EN2: variants seen among roughly 807,000 people sequenced by gnomAD.
The protein encoded by EN2 is engrailed homeobox 2.
Under a neutral mutation model 25.0 loss-of-function variants are expected in EN2, and 7 were observed. That is an observed-to-expected ratio of 0.28 (90% CI 0.16 to 0.53). The LOEUF is 0.53. EN2 is among the 20% of genes least tolerant of loss of function. The pLI is 0.96. For synonymous variants in EN2, 277 were observed against 243.3 expected, an observed-to-expected ratio of 1.14 and a Z score of -1.29; for missense variants, 524 against 501.8, an observed-to-expected ratio of 1.04 and a Z score of -0.42.
chr7:155,458,727 G>A lies in EN2; in HGVS notation c.350G>A (p.Gly117Asp), dbSNP rs1340709004. The A allele has an allele frequency of 7.5e-7, 1 of 1,339,760 alleles. No individual in the cohort carries two copies. The allele number at this position is 1,339,760 out of a possible 1,614,324, so 83.0% of individuals were successfully genotyped here. A position where few individuals can be genotyped will look rare whatever the true frequency, so the allele number is the denominator to read the frequency against. ...GCGGAGGGAGGCGGCGGCGCGGGCG[G>A]CTCGGAGCAGCTCTTGGGCTCGGGC... Reference protein sequence around the residue: ...SGAEGGGGAGGSEQLLGSGSR... With the variant: ...SGAEGGGGAGDSEQLLGSGSR... Residue 117 changes from glycine to aspartate, a missense_variant, in exon 1 of 2, where the codon GGC becomes GAC. By Grantham distance (94) the Gly-to-Asp change is moderately conservative. Transcript: ENST00000297375.
Position 155,458,293 on chromosome 7 carries a change from G to A in EN2, c.-85G>A. ...AGACTCGGCGGGGTGGGGGCGCGGG[G>A]GTCTCCGTGTGCGCCGCGGGAGGGC... On this transcript the variant is annotated 5_prime_UTR_variant, in exon 1 of 2. Coordinates refer to ENST00000297375, the MANE Select transcript of EN2 (RefSeq NM_001427.4). 2 of 1,245,228 alleles carry A rather than the reference G, an allele frequency of 1.6e-6. No homozygotes were observed. Among genetic ancestry groups the A allele is most frequent in the Admixed American group, 8.3e-5 (2 of 24,114 alleles). The allele number at this position is 1,245,228 out of a possible 1,614,324, so 77.1% of individuals were successfully genotyped here. A position where few individuals can be genotyped will look rare whatever the true frequency, so the allele number is the denominator to read the frequency against.
At chr7:155,460,951 T>C (rs908351816) in intron 1 of EN2, among the ~76,000 whole-genome samples, 1 of 152,112 alleles carries the variant, frequency 6.6e-6, no homozygotes, top group African/African-American at 2.4e-5. Flanking sequence ...AGATCCTCTT[T>C]CTCCAGGCCT....
chr7:155,460,430 GGA>G (rs1264915940), intron 1 of EN2, among the ~76,000 whole-genome samples: 1 of 152,184 alleles, frequency 6.6e-6, no homozygotes, highest in South Asian at 2.1e-4. Flanking sequence ...GAAAGAAAGG[GGA>G]GAGAGAGTTT....
At chr7:155,459,096 C>T (rs779191430) in intron 1 of EN2, 34 bp downstream of exon 1, 3 of 1,530,880 alleles carry the variant, frequency 2.0e-6, no homozygotes, top group African/African-American at 1.4e-5. Flanking sequence ...CCCGGCTCGC[C>T]GCGGGGAGGC....
chr7:155,462,833 T>TG lies in EN2; in HGVS notation c.*146_*147insG. The TG allele has an allele frequency of 4.0e-6, 4 of 1,011,662 alleles. No individual in the cohort carries two copies. Among genetic ancestry groups the TG allele is most frequent in the Non-Finnish European group, 4.1e-6 (3 of 737,816 alleles). The allele number at this position is 1,011,662 out of a possible 1,614,324, so 62.7% of individuals were successfully genotyped here. On this transcript the variant is annotated 3_prime_UTR_variant, in exon 2 of 2. Coordinates refer to ENST00000297375, the MANE Select transcript of EN2 (RefSeq NM_001427.4). Reference sequence around the variant, plus strand: ...AAGGTTCTGAAATATTCTATGTATATATCATTTACAGGTGGTATAAAATCC... The same window carrying TG: ...AAGGTTCTGAAATATTCTATGTATATGATCATTTACAGGTGGTATAAAATCC...
chr7:155,461,276 G>A (rs537446158), intron 1 of EN2, among the ~76,000 whole-genome samples: 70 of 152,236 alleles, frequency 4.6e-4, no homozygotes, highest in Non-Finnish European at 7.2e-4. Context: ...AAACCCAGAG[G>A]CGAGGTCACC....
chr7:155,458,667 G>A lies in EN2; in HGVS notation c.290G>A (p.Gly97Asp), dbSNP rs1795657161. ...TGTGCGGGCGCGGGAGGAGGAAGGG[G>A]CGGCGGAGCCGGCGGCGAAGGCGGC... ...TCCAGAGGGR[G>D]GGAGGEGGAS... Residue 97 changes from glycine (G) to aspartate (D), a missense_variant, in exon 1 of 2, where the codon GGC becomes GAC. Physicochemically the swap from Gly to Asp is moderately conservative, Grantham distance 94. Transcript: ENST00000297375. 2.9e-6 allele frequency: 4 copies of A among 1,371,012 alleles called. No homozygotes were observed. Among genetic ancestry groups the A allele is most frequent in the Non-Finnish European group, 3.8e-6 (4 of 1,065,562 alleles). The allele number at this position is 1,371,012 out of a possible 1,614,324, so 84.9% of individuals were successfully genotyped here.
chr7:155,462,635 G>A lies in EN2; in HGVS notation c.950G>A (p.Gly317Asp). Residue 317 changes from glycine to aspartate, a missense_variant, in exon 2 of 2, where the codon GGC (glycine) becomes GAC (aspartate). Gly to Asp is a moderately conservative substitution (Grantham distance 94, BLOSUM62 -1). Transcript: ENST00000297375. ...CTGGCCGTGCACCTCATGGCACAGG[G>A]CTTGTACAACCACTCCACCACAGCC... ...NTLAVHLMAQ[G>D]LYNHSTTAKE... is the part of the protein sequence containing the mutation. The A allele has an allele frequency of 1.2e-6, 2 of 1,610,850 alleles. No individual in the cohort carries two copies. Among genetic ancestry groups the A allele is most frequent in the South Asian group, 1.1e-5 (1 of 90,744 alleles).
In EN2 at chr7:155,458,885, G is replaced by T; in HGVS notation, c.508G>T (p.Gly170Cys). ...TLSLHGGAKK[G>C]GDPGGPLDGS... ...CTCGCTGCACGGTGGCGCCAAGAAAGGCGGCGACCCCGGCGGCCCCCTGGA... is the reference window on the plus strand; with the variant it reads ...CTCGCTGCACGGTGGCGCCAAGAAATGCGGCGACCCCGGCGGCCCCCTGGA... Residue 170 changes from glycine to cysteine, a missense_variant, in exon 1 of 2, where the codon GGC (glycine) becomes TGC (cysteine). Physicochemically the swap from Gly to Cys is radical, Grantham distance 159. Coordinates refer to ENST00000297375, the MANE Select transcript of EN2 (RefSeq NM_001427.4). The T allele has an allele frequency of 6.7e-7, 1 of 1,496,130 alleles. No homozygotes were observed. The allele number at this position is 1,496,130 out of a possible 1,614,324, so 92.7% of individuals were successfully genotyped here. A position where few individuals can be genotyped will look rare whatever the true frequency, so the allele number is the denominator to read the frequency against.
intron 1 of EN2, 56 bp from the exon 2 acceptor site, chr7:155,462,315 T>C (rs117472001): frequency 0.018 from 27,712 of 1,536,368 alleles, 289 homozygotes; most frequent in Non-Finnish European, 0.02. Context: ...CCGGTGCCTA[T>C]TGGGTGGCAC....
chr7:155,458,319 C>G lies in EN2; in HGVS notation c.-59C>G, dbSNP rs1266719649. On this transcript the variant is annotated 5_prime_UTR_variant, in exon 1 of 2. Coordinates refer to ENST00000297375, the MANE Select transcript of EN2 (RefSeq NM_001427.4). ...GTCTCCGTGTGCGCCGCGGGAGGGC[C>G]GAAGGCTGATTTGGAAGGGCGTCCC... 3.2e-6 allele frequency: 4 copies of G among 1,265,882 alleles called. No individual in the cohort carries two copies. The highest frequency in any genetic ancestry group is 7.7e-5 in the South Asian group (2 of 25,994). 78.4% of individuals were successfully genotyped at this position (1,265,882 alleles called of 1,614,324 possible).
rs974988372 is a variant in EN2 at position 155,459,414 on chromosome 7, GT to G, written c.685+360del. On this transcript the variant is annotated intron_variant, in intron 1 of 1. Transcript: ENST00000297375. Reference sequence around the variant, plus strand: ...CCTAGCCCATGTCTCCCCCACTGTAGTTTTTTTTGGTGGGAACGTGGTGGCT... The same window carrying G: ...CCTAGCCCATGTCTCCCCCACTGTAGTTTTTTTGGTGGGAACGTGGTGGCT... 1.6e-4 allele frequency among the ~76,000 whole-genome samples: 24 copies of G among 152,106 alleles called. No individual in the cohort carries two copies. In the South Asian group the frequency reaches 3.1e-3, roughly 20 times the overall value.
chr7:155,459,441 G>A (rs1404787783), intron 1 of EN2, among the ~76,000 whole-genome samples: 1 of 152,200 alleles, frequency 6.6e-6, no homozygotes, highest in Non-Finnish European at 1.5e-5. Context: ...CGTGGTGGCT[G>A]GAAGATGGGC....
rs973342785 is a variant in EN2, at chr7:155,458,197, C to T, written c.-181C>T. The T allele has an allele frequency of 3.9e-6, 3 of 760,986 alleles. No individual in the cohort carries two copies. The highest frequency in any genetic ancestry group is 5.4e-6 in the Non-Finnish European group (3 of 550,540). The allele number at this position is 760,986 out of a possible 1,614,324, so 47.1% of individuals were successfully genotyped here. On this transcript the variant is annotated 5_prime_UTR_variant, in exon 1 of 2. Transcript: ENST00000297375. ...ACCCAGTTCGTGGATTCAAAGGTGG[C>T]TCCGCGCCGAGCGCGGCCGGCGACT... is the stretch of plus-strand genomic sequence containing the variant.
In EN2 at chr7:155,460,120, G is replaced by T. The variant is rs186151633; in HGVS notation, c.685+1058G>T. Among the ~76,000 whole-genome samples, 11 of 152,356 alleles carry T rather than the reference G, an allele frequency of 7.2e-5. 1 individual carries two copies. Among genetic ancestry groups the T allele is most frequent in the Admixed American group, 7.2e-4 (11 of 15,306 alleles). ...TTGGGCCGCCATCCCGCAGAACTAT[G>T]CGTGCATATTTCTGATGAAATTCAG... On this transcript the variant is annotated intron_variant, in intron 1 of 1. Transcript: ENST00000297375.
chr7:155,458,223 T>C lies in EN2; in HGVS notation c.-155T>C. 9.6e-7 allele frequency: 1 copy of C among 1,046,812 alleles called. No individual in the cohort carries two copies. Among genetic ancestry groups the C allele is most frequent in the African/African-American group, 1.7e-5 (1 of 60,262 alleles). The allele number at this position is 1,046,812 out of a possible 1,614,324, so 64.8% of individuals were successfully genotyped here. A position where few individuals can be genotyped will look rare whatever the true frequency, so the allele number is the denominator to read the frequency against. On this transcript the variant is annotated 5_prime_UTR_variant, in exon 1 of 2. Coordinates refer to ENST00000297375, the MANE Select transcript of EN2 (RefSeq NM_001427.4). ...TCCGCGCCGAGCGCGGCCGGCGACT[T>C]GTAGGACCTCAGCCCTGGCCGCGGC...
At position 155,461,150 on chromosome 7, in the gene EN2, C is replaced by T. The variant is rs185828690; in HGVS notation, c.686-1221C>T. Among the ~76,000 whole-genome samples, 743 of 152,268 alleles carry T rather than the reference C, an allele frequency of 4.9e-3. 12 individuals carry two copies. The highest frequency in any genetic ancestry group is 0.024 in the Admixed American group (361 of 15,306). On this transcript the variant is annotated intron_variant, in intron 1 of 1. Coordinates refer to ENST00000297375, the MANE Select transcript of EN2 (RefSeq NM_001427.4). ...ACATTCCTCTTCTCCTCAGTGTGCC[C>T]GGCAGCTCTCCGGCCCTGAAGGGTG...
rs1364458606 is a variant in EN2 at position 155,463,317 on chromosome 7, G to A, written c.*630G>A. ...CCAGCGTACCCCAGGCCTGCTCTGG[G>A]AAGTCGGCTCCATGCTCACCAGCAG... On this transcript the variant is annotated 3_prime_UTR_variant, in exon 2 of 2. Coordinates refer to ENST00000297375, the MANE Select transcript of EN2 (RefSeq NM_001427.4). 1 of 152,738 alleles carries A rather than the reference G, an allele frequency of 6.5e-6. No individual in the cohort carries two copies. Among genetic ancestry groups the A allele is most frequent in the African/African-American group, 2.4e-5 (1 of 41,432 alleles). The allele number at this position is 152,738 out of a possible 1,614,324, so 9.5% of individuals were successfully genotyped here.
chr7:155,461,175 G>A (rs1415490361), intron 1 of EN2, among the ~76,000 whole-genome samples: 2 of 152,134 alleles, frequency 1.3e-5, no homozygotes, highest in Non-Finnish European at 2.9e-5. Context: ...CCTGAAGGGT[G>A]GGGGGCCCCC....
Sources: gnomAD v4.1 joint callset for allele counts (sites outside exome capture counted in the v4.1 genomes callset) on GRCh38, gnomAD v4.1.1 for gene constraint, MANE v1.5 for transcripts, NCBI Gene and HGNC (gene_info 2026-07-23, HGNC 2026-07-21) for gene names.